Variants in FADS2 observed in about 807,000 individuals in gnomAD.
FADS2 encodes the protein acyl-CoA 6-desaturase.
Under a neutral mutation model 61.2 loss-of-function variants are expected in FADS2, and 18 were observed. The ratio of observed to expected loss-of-function variants is 0.29; its 90% CI spans 0.20 to 0.44. The LOEUF (loss-of-function observed/expected upper bound fraction) is 0.44, where lower values mean the gene tolerates loss of function less well. Ranked by LOEUF, FADS2 falls within the 20% of genes least tolerant of loss-of-function variation. The probability of loss-of-function intolerance (pLI) is 1.00; values close to 1 mark genes in which losing one functional copy is unlikely to be tolerated. For synonymous variants in FADS2, 203 were observed against 223.9 expected, an observed-to-expected ratio of 0.91 and a Z score of 0.83; for missense variants, 322 against 572.7, an observed-to-expected ratio of 0.56 and a Z score of 4.47.
rs780909794 is a variant in FADS2, at chr11:61,816,423, A to G, written c.138A>G (p.Gln46=). ...CCGCAGGACACCCAATCACCGGGCAACAGGTATGATCAGGCGCCTCCGGGC... is the reference window on the plus strand; with the variant it reads ...CCGCAGGACACCCAATCACCGGGCAGCAGGTATGATCAGGCGCCTCCGGGC... Residue 46 remains glutamine, a synonymous_variant, in exon 1 of 12, where the codon CAA becomes CAG. Coordinates refer to the FADS2 transcript ENST00000257261. The surrounding 1 kb of genome is among the most constrained non-coding windows in gnomAD (Gnocchi z 7.0). 8 of 1,598,678 alleles carry G rather than the reference A, an allele frequency of 5.0e-6. No homozygotes were observed. Among genetic ancestry groups the G allele is most frequent in the African/African-American group, 2.7e-5 (2 of 74,922 alleles).
upstream of FADS2, among the ~76,000 whole-genome samples, chr11:61,824,394 A>AAGGGAGAGAGAGAGAG (rs2067053876): frequency 5.8e-5 from 1 of 17,342 alleles, no homozygotes; most frequent in Non-Finnish European, 1.3e-4. Context: ...GGGAAAAAAA[A>AAGGGAGAGAGAGAGAG]AGAGAGAGAG....
At chr11:61,836,134 G>A (rs945900773) in intron 1 of FADS2, among the ~76,000 whole-genome samples, 2 of 152,140 alleles carry the variant, frequency 1.3e-5, no homozygotes, top group Non-Finnish European at 2.9e-5. Flanking sequence ...GTCTCACTCT[G>A]TCGCCCAGGC....
rs937746388 is a variant in FADS2, at chr11:61,837,661, C to T, written c.208-117C>T. ...GCATTTGGGGCCAGATCACAGGAGA[C>T]CCCGTTTGGTGTCTGGGTGCACACA... On this transcript the variant is annotated intron_variant, in intron 1 of 11. Coordinates refer to ENST00000278840, the MANE Select transcript of FADS2 (RefSeq NM_004265.4). 5 of 700,562 alleles carry T rather than the reference C, an allele frequency of 7.1e-6. No homozygotes were observed. In the African/African-American group the frequency reaches 8.8e-5, roughly 12 times the overall value. 43.4% of individuals were successfully genotyped at this position (700,562 alleles called of 1,614,324 possible).
chr11:61,859,321 T>G (rs1243157175), intron 7 of FADS2, among the ~76,000 whole-genome samples: 1 of 152,130 alleles, frequency 6.6e-6, no homozygotes, highest in Non-Finnish European at 1.5e-5. Context: ...CCTCCCAAAG[T>G]GCTGGGATTA....
chr11:61,823,717 G>A (rs1416421862), upstream of FADS2, among the ~76,000 whole-genome samples: 1 of 152,072 alleles, frequency 6.6e-6, no homozygotes, highest in South Asian at 2.1e-4. Context: ...GGGTCTCACT[G>A]TGTTGCCCAG....
chr11:61,824,484 G>GAAA (rs1333692987), upstream of FADS2, among the ~76,000 whole-genome samples: 27 of 39,432 alleles, frequency 6.8e-4, 1 homozygote, highest in African/African-American at 3.2e-3. Flanking sequence ...GAGAGAGAGA[G>GAAA]AGAGAGAAAG....
At chr11:61,841,671 T>A (rs1227904243) in intron 4 of FADS2, among the ~76,000 whole-genome samples, 1 of 152,200 alleles carries the variant, frequency 6.6e-6, no homozygotes, top group Admixed American at 6.5e-5. Flanking sequence ...TCCTTCCTCA[T>A]CTGGCATTTA....
chr11:61,849,288 T>G (rs892650845), intron 5 of FADS2, among the ~76,000 whole-genome samples: 3 of 152,236 alleles, frequency 2.0e-5, no homozygotes, highest in Admixed American at 1.3e-4. Flanking sequence ...ACCATTTTAT[T>G]TTCATATTAG....
chr11:61,858,574 C>A (rs867587923), intron 7 of FADS2, among the ~76,000 whole-genome samples: 2 of 151,728 alleles, frequency 1.3e-5, no homozygotes, highest in South Asian at 4.2e-4. Context: ...TGCATTAGGG[C>A]CCATTGTAAT....
chr11:61,865,254 G>A lies in FADS2; in HGVS notation c.1260G>A (p.Leu420=). The change falls in exon 11 of 12, where the codon CTG becomes CTA. Residue 420 remains leucine (L), a synonymous_variant. Transcript: ENST00000278840. The surrounding 1 kb of genome is among the most constrained non-coding windows in gnomAD (Gnocchi z 4.1). ...TTGAATACCAGGAGAAGCCGCTACT[G>A]AGGGCCCTGCTGGACATCATCAGGT... ...HGIEYQEKPL[L]RALLDIIRSL... 6 of 1,613,610 alleles carry A rather than the reference G, an allele frequency of 3.7e-6. No homozygotes were observed. Among genetic ancestry groups the A allele is most frequent in the Non-Finnish European group, 4.2e-6 (5 of 1,179,994 alleles).
rs368129837 is a variant in FADS2, at chr11:61,857,087, C to T, written c.805+16C>T. Reference sequence around the variant, plus strand: ...TTCTTCCTGAGTGAGTGCTCGGCGCCCCGAAATCACTCTGGGACCCTCCCC... The same window carrying T: ...TTCTTCCTGAGTGAGTGCTCGGCGCTCCGAAATCACTCTGGGACCCTCCCC... On this transcript the variant is annotated intron_variant, in intron 6 of 11. Transcript: ENST00000278840. 6.2e-7 allele frequency: 1 copy of T among 1,611,150 alleles called. No individual in the cohort carries two copies. Among genetic ancestry groups the T allele is most frequent in the African/African-American group, 1.3e-5 (1 of 74,978 alleles).
chr11:61,835,539 G>A lies in FADS2; in HGVS notation c.208-2239G>A, dbSNP rs187341795. ...CTCCCAAGTAGCTGGGATTACGGGC[G>A]TGTGCCACCACACCTGGCTAATTTT... On this transcript the variant is annotated intron_variant, in intron 1 of 11. Transcript: ENST00000278840. 4.2e-3 allele frequency among the ~76,000 whole-genome samples: 638 copies of A among 151,466 alleles called. 5 individuals are homozygous for A. The highest frequency in any genetic ancestry group is 0.014 in the African/African-American group (594 of 41,270).
Position 61,865,032 on chromosome 11 carries a change from T to C in FADS2, c.1158-120T>C. 8.2e-7 allele frequency: 1 copy of C among 1,215,164 alleles called. No homozygotes were observed. Among genetic ancestry groups the C allele is most frequent in the Non-Finnish European group, 1.2e-6 (1 of 863,116 alleles). 75.3% of individuals were successfully genotyped at this position (1,215,164 alleles called of 1,614,324 possible). ...ACGAGGAGCCACACTTTGAGACTGG[T>C]CCTGGCTGTGGACAGGGTCTCTGAG... On this transcript the variant is annotated intron_variant, in intron 10 of 11. Transcript: ENST00000278840. The surrounding 1 kb of genome is among the most constrained non-coding windows in gnomAD (Gnocchi z 4.1).
Position 61,837,908 on chromosome 11 carries a change from TG to T in FADS2, c.318+23del. On this transcript the variant is annotated intron_variant, in intron 2 of 11. Transcript: ENST00000278840. ...AAGAACGTAAGTCTGGCTTGCAACC[TG>T]GGTGGGGGTGGAGACGAGGCTGGGG... The T allele has an allele frequency of 6.4e-7, 1 of 1,563,264 alleles. No individual in the cohort carries two copies. Among genetic ancestry groups the T allele is most frequent in the African/African-American group, 1.4e-5 (1 of 73,874 alleles).
chr11:61,816,903 G>A lies in FADS2; in HGVS notation c.141+477G>A, dbSNP rs1160136780. The A allele has an allele frequency of 2.1e-6, 3 of 1,414,788 alleles. No homozygotes were observed. Among genetic ancestry groups the A allele is most frequent in the East Asian group, 3.0e-5 (1 of 33,582 alleles). The allele number at this position is 1,414,788 out of a possible 1,614,324, so 87.6% of individuals were successfully genotyped here. Reference sequence around the variant, plus strand: ...GGTTTTCAGCACCGCAGGGCAGACCGGCGGGCCTCGCAGCGCGCGTTCCCA... The same window carrying A: ...GGTTTTCAGCACCGCAGGGCAGACCAGCGGGCCTCGCAGCGCGCGTTCCCA... On this transcript the variant is annotated intron_variant, in intron 1 of 11. Transcript: ENST00000257261. This position sits in a 1 kb window ranked among gnomAD's most constrained non-coding sequence, Gnocchi z 7.0.
intron 1 of FADS2, among the ~76,000 whole-genome samples, chr11:61,832,466 T>A (rs1054502757): frequency 6.6e-6 from 1 of 152,138 alleles, no homozygotes; most frequent in East Asian, 1.9e-4. Flanking sequence ...AGTTCTGAGA[T>A]GAAAGTGGAG....
intron 2 of FADS2, among the ~76,000 whole-genome samples, chr11:61,839,952 G>A (rs943829662): frequency 6.6e-6 from 1 of 152,178 alleles, no homozygotes; most frequent in Non-Finnish European, 1.5e-5. Context: ...CCTTTTCAAG[G>A]CTGAGTAATA....
intron 1 of FADS2, among the ~76,000 whole-genome samples, chr11:61,818,968 T>C (rs997857640): frequency 2.0e-5 from 3 of 152,070 alleles, no homozygotes; most frequent in Non-Finnish European, 4.4e-5. Context: ...CCTCCCAGGT[T>C]CATGGCATTC....
Position 61,866,077 on chromosome 11 carries a change from A to G in FADS2, c.*388A>G. ...TCCCCTTGCAGCCTGGTCACTAGGC[A>G]TCACCCCCGCTTTGGTTCTTCAGAT... is the stretch of plus-strand genomic sequence containing the variant. On this transcript the variant is annotated 3_prime_UTR_variant, in exon 12 of 12. Coordinates refer to ENST00000278840, the MANE Select transcript of FADS2 (RefSeq NM_004265.4). The G allele has an allele frequency of 2.5e-6, 1 of 407,478 alleles. No individual in the cohort carries two copies. The highest frequency in any genetic ancestry group is 2.0e-5 in the African/African-American group (1 of 49,172). 25.2% of individuals were successfully genotyped at this position (407,478 alleles called of 1,614,324 possible).
Sources: gnomAD v4.1 joint callset for allele counts (sites outside exome capture counted in the v4.1 genomes callset) on GRCh38, gnomAD v4.1.1 for gene constraint, Gnocchi (gnomAD v3.1) non-coding constraint, MANE v1.5 for transcripts, NCBI Gene and HGNC (gene_info 2026-07-23, HGNC 2026-07-21) for gene names.